The following C1orf21 variants were observed in gnomAD, a reference collection of about 807,000 sequenced individuals.
The protein encoded by C1orf21 is chromosome 1 open reading frame 21.
Under a neutral mutation model 18.7 loss-of-function variants are expected in C1orf21, and 3 were observed. That is an observed-to-expected ratio of 0.16 (90% CI 0.07 to 0.42). C1orf21 has a LOEUF of 0.42. Among genes scored for constraint, C1orf21 ranks in the 10% least tolerant of loss-of-function variants. The pLI is 0.99. For synonymous variants in C1orf21, 41 were observed against 46.4 expected, an observed-to-expected ratio of 0.88 and a Z score of 0.47; for missense variants, 104 against 143.6, an observed-to-expected ratio of 0.72 and a Z score of 1.41.
chr1:184,600,458 G>C (rs903606621), intron 5 of C1orf21, among the ~76,000 whole-genome samples: 1 of 152,170 alleles, frequency 6.6e-6, no homozygotes, highest in Non-Finnish European at 1.5e-5. Context: ...TTGAGCCACC[G>C]TGCCTGGCCC....
chr1:184,573,390 G>C (rs983257102), intron 3 of C1orf21, among the ~76,000 whole-genome samples: 1 of 152,072 alleles, frequency 6.6e-6, no homozygotes, highest in South Asian at 2.1e-4. Context: ...CCTAGAAAAC[G>C]TAACATTCCT....
At chr1:184,588,090 A>C (rs2101997976) in intron 3 of C1orf21, among the ~76,000 whole-genome samples, 1 of 152,330 alleles carries the variant, frequency 6.6e-6, no homozygotes, top group Non-Finnish European at 1.5e-5. Flanking sequence ...TGAAAGCTGA[A>C]CTAGGCATTG....
intron 1 of C1orf21, among the ~76,000 whole-genome samples, chr1:184,437,736 T>C (rs998156955): frequency 6.6e-6 from 1 of 152,144 alleles, no homozygotes; most frequent in South Asian, 2.1e-4. Context: ...GTGCACTTTA[T>C]TTCTATTATT....
intron 1 of C1orf21, among the ~76,000 whole-genome samples, chr1:184,426,267 T>C (rs1656635806): frequency 6.6e-6 from 1 of 152,200 alleles, no homozygotes; most frequent in African/African-American, 2.4e-5. Flanking sequence ...GTCTTCTACT[T>C]TCATGATCAG....
intron 1 of C1orf21, among the ~76,000 whole-genome samples, chr1:184,400,038 T>C (rs1656124401): frequency 6.6e-6 from 1 of 152,120 alleles, no homozygotes; most frequent in Admixed American, 6.5e-5. Context: ...TTAGTATCAT[T>C]ATGAACTTGT....
intron 1 of C1orf21, among the ~76,000 whole-genome samples, chr1:184,396,431 A>G (rs1656051195): frequency 6.6e-6 from 1 of 152,048 alleles, no homozygotes; most frequent in Non-Finnish European, 1.5e-5. Context: ...TGGGCAGGAG[A>G]GTGATAAAGG....
chr1:184,618,944 G>C (rs2102013440), intron 5 of C1orf21, among the ~76,000 whole-genome samples: 1 of 152,324 alleles, frequency 6.6e-6, no homozygotes, highest in East Asian at 1.9e-4. Flanking sequence ...AGTCCTTAGA[G>C]CTTCAGATAA....
At chr1:184,601,724 A>T (rs901639437) in intron 5 of C1orf21, among the ~76,000 whole-genome samples, 3 of 152,088 alleles carry the variant, frequency 2.0e-5, no homozygotes, top group African/African-American at 7.2e-5. Context: ...AACGTGGTGA[A>T]ACCTCATCTC....
At chr1:184,403,971 T>C (rs565878132) in intron 1 of C1orf21, among the ~76,000 whole-genome samples, 70 of 152,372 alleles carry the variant, frequency 4.6e-4, no homozygotes, top group African/African-American at 1.6e-3. Flanking sequence ...ATTTTAACTT[T>C]ATTCAGCAGG....
intron 5 of C1orf21, among the ~76,000 whole-genome samples, chr1:184,611,672 G>A (rs899690484): frequency 6.6e-6 from 1 of 152,196 alleles, no homozygotes; most frequent in African/African-American, 2.4e-5. Context: ...GGACAGAGGA[G>A]GGAGATGCCT....
At chr1:184,582,861 C>T (rs549163684) in intron 3 of C1orf21, among the ~76,000 whole-genome samples, 35 of 152,142 alleles carry the variant, frequency 2.3e-4, no homozygotes, top group African/African-American at 8.0e-4. Context: ...TTTTTTGAGG[C>T]GGAATCTTGC....
chr1:184,505,386 A>G (rs1274906908), intron 2 of C1orf21, among the ~76,000 whole-genome samples: 2 of 147,424 alleles, frequency 1.4e-5, no homozygotes, highest in African/African-American at 2.5e-5. Context: ...TCACCTATAT[A>G]TATTTATATC....
intron 3 of C1orf21, among the ~76,000 whole-genome samples, chr1:184,526,684 G>A (rs1435242546): frequency 6.6e-6 from 1 of 152,096 alleles, no homozygotes; most frequent in Non-Finnish European, 1.5e-5. Context: ...CATCAGCTTT[G>A]GAACATAACA....
At chr1:184,399,258 TCCTC>T (rs1227287317) in intron 1 of C1orf21, among the ~76,000 whole-genome samples, 1 of 152,140 alleles carries the variant, frequency 6.6e-6, no homozygotes, top group African/African-American at 2.4e-5. Context: ...TTTCTCTGTT[TCCTC>T]ATGTATTTCC....
At chr1:184,412,805 C>T (rs1215907697) in intron 1 of C1orf21, among the ~76,000 whole-genome samples, 1 of 152,040 alleles carries the variant, frequency 6.6e-6, no homozygotes, top group Non-Finnish European at 1.5e-5. Flanking sequence ...GAGACCCTGC[C>T]TCAAAAACAA....
intron 1 of C1orf21, among the ~76,000 whole-genome samples, chr1:184,454,630 C>T (rs73063534): frequency 0.014 from 2,064 of 152,102 alleles, 42 homozygotes; most frequent in African/African-American, 0.047. Flanking sequence ...AGAGTTCTCA[C>T]GAGATCTGGT....
intron 1 of C1orf21, among the ~76,000 whole-genome samples, chr1:184,442,419 A>G (rs1304323287): frequency 2.0e-5 from 3 of 152,202 alleles, no homozygotes; most frequent in South Asian, 2.1e-4. Flanking sequence ...CAGGATTATG[A>G]TAAAGATTAC....
chr1:184,559,453 G>A (rs1024066998), intron 3 of C1orf21, among the ~76,000 whole-genome samples: 7 of 138,676 alleles, frequency 5.0e-5, no homozygotes, highest in African/African-American at 1.8e-4. Context: ...CTGGTGTCAG[G>A]CATCTTTCTT....
At chr1:184,470,861 A>C (rs1413185944) in intron 1 of C1orf21, among the ~76,000 whole-genome samples, 1 of 151,466 alleles carries the variant, frequency 6.6e-6, no homozygotes, top group Non-Finnish European at 1.5e-5. Context: ...CTTGGGCAAC[A>C]GAGTAAGACT....
Sources: gnomAD v4.1 joint callset for allele counts (sites outside exome capture counted in the v4.1 genomes callset) on GRCh38, gnomAD v4.1.1 for gene constraint, MANE v1.5 for transcripts, NCBI Gene and HGNC (gene_info 2026-07-23, HGNC 2026-07-21) for gene names.